The following CADPS2 variants were observed in gnomAD, a reference collection of about 807,000 sequenced individuals.
CADPS2 encodes calcium-dependent secretion activator 2.
A neutral mutation model predicts 172.5 loss-of-function variants in CADPS2; 93 were observed. That is an observed-to-expected ratio of 0.54 (90% CI 0.46 to 0.64). CADPS2 has a LOEUF of 0.64. Ranked by LOEUF, CADPS2 falls within the 30% of genes least tolerant of loss-of-function variation. The pLI is 0.00. For missense variants in CADPS2, 1,420 were observed against 1,565.9 expected, an observed-to-expected ratio of 0.91 and a Z score of 1.57; for synonymous variants, 546 against 555.2, an observed-to-expected ratio of 0.98 and a Z score of 0.23.
At chr7:122,735,025 A>C (rs2092045732) in intron 2 of CADPS2, among the ~76,000 whole-genome samples, 1 of 152,156 alleles carries the variant, frequency 6.6e-6, no homozygotes, top group Non-Finnish European at 1.5e-5. Context: ...CAATCCACCA[A>C]TTCTAAGAGA....
intron 25 of CADPS2, chr7:122,369,483 C>T (rs765336729): frequency 6.6e-6 from 1 of 152,248 alleles, no homozygotes; most frequent in South Asian, 2.1e-4. Context: ...GTTCCAGTTA[C>T]AGCACCTTGG....
intron 1 of CADPS2, among the ~76,000 whole-genome samples, chr7:122,825,686 T>C (rs1192720701): frequency 6.6e-6 from 1 of 152,212 alleles, no homozygotes; most frequent in Non-Finnish European, 1.5e-5. Context: ...TTTAACTTTT[T>C]TTAATTAAAA....
chr7:122,783,396 GA>G (rs1188608623), intron 1 of CADPS2, among the ~76,000 whole-genome samples: 1 of 151,970 alleles, frequency 6.6e-6, no homozygotes, highest in Non-Finnish European at 1.5e-5. Context: ...CCTTATGTTT[GA>G]GGGGCTGATC....
At chr7:122,324,554 G>A (rs2033411047) in intron 29 of CADPS2, among the ~76,000 whole-genome samples, 1 of 152,096 alleles carries the variant, frequency 6.6e-6, no homozygotes. Context: ...AAGTTCCCAG[G>A]TGATGATGAT....
In CADPS2 at chr7:122,345,610, C is replaced by G; in HGVS notation, c.3576G>C (p.Lys1192Asn). Residue 1192 changes from lysine (K) to asparagine (N), a missense_variant, in exon 28 of 30, where the codon AAG becomes AAC. Lys to Asn is a moderately conservative substitution (Grantham distance 94). Transcript: ENST00000449022. ...VRQNQDILRE[K>N]VNEEMYIEKL... is the part of the protein sequence containing the mutation. The stretch of plus-strand genomic sequence containing the variant: ...TTTCTATATACATTTCCTCATTGAC[C>G]TTTTCTCGAAGAATATCTTGGTTTT... The G allele has an allele frequency of 6.2e-7, 1 of 1,612,688 alleles. No individual in the cohort carries two copies. The highest frequency in any genetic ancestry group is 1.7e-5 in the Admixed American group (1 of 59,928).
chr7:122,732,504 T>C (rs2091746360), intron 2 of CADPS2, among the ~76,000 whole-genome samples: 1 of 150,318 alleles, frequency 6.7e-6, no homozygotes, highest in Admixed American at 6.7e-5. Context: ...TACAAAGATA[T>C]CTTTTCAATT....
At chr7:122,747,629 A>T (rs1167432344) in intron 1 of CADPS2, among the ~76,000 whole-genome samples, 2 of 152,136 alleles carry the variant, frequency 1.3e-5, no homozygotes. Flanking sequence ...TTCCAAATGA[A>T]GAAGCTAAAG....
intron 3 of CADPS2, among the ~76,000 whole-genome samples, chr7:122,642,565 T>A (rs534627357): frequency 1.5e-5 from 2 of 136,240 alleles, no homozygotes; most frequent in South Asian, 2.4e-4. Flanking sequence ...TTTTTTTTTT[T>A]ACAACTTATT....
At chr7:122,627,128 G>A (rs1327675901) in intron 4 of CADPS2, among the ~76,000 whole-genome samples, 1 of 152,192 alleles carries the variant, frequency 6.6e-6, no homozygotes, top group East Asian at 1.9e-4. Flanking sequence ...AGCAAGGCCA[G>A]GATTTGAGGC....
At chr7:122,405,678 C>A (rs2046561527) in intron 20 of CADPS2, among the ~76,000 whole-genome samples, 2 of 151,888 alleles carry the variant, frequency 1.3e-5, no homozygotes, top group Non-Finnish European at 2.9e-5. Context: ...AAACAAAAAA[C>A]CGGCTTAGGA....
At chr7:122,413,921 C>A in intron 19 of CADPS2, 147 bp downstream of exon 19, 1 of 639,500 alleles carries the variant, frequency 1.6e-6, no homozygotes, top group South Asian at 2.1e-5. Context: ...CAAAAATTAG[C>A]ACATTCAAAG....
chr7:122,571,757 T>C (rs1158799516), intron 7 of CADPS2, among the ~76,000 whole-genome samples: 3 of 152,186 alleles, frequency 2.0e-5, no homozygotes, highest in Admixed American at 6.5e-5. Flanking sequence ...GAAGAATTGC[T>C]ATCTGAAAGG....
chr7:122,410,104 G>A (rs1215211877), intron 19 of CADPS2, among the ~76,000 whole-genome samples: 8 of 152,104 alleles, frequency 5.3e-5, no homozygotes, highest in Admixed American at 5.2e-4. Context: ...AGCACTTTGG[G>A]AGGCAGAGGA....
At chr7:122,410,518 A>G (rs1489885524) in intron 19 of CADPS2, among the ~76,000 whole-genome samples, 1 of 151,278 alleles carries the variant, frequency 6.6e-6, no homozygotes, top group Non-Finnish European at 1.5e-5. Flanking sequence ...CTAGAAGCAG[A>G]GTACTGAGCT....
At chr7:122,508,846 G>T (rs1381006088) in intron 9 of CADPS2, among the ~76,000 whole-genome samples, 2 of 152,122 alleles carry the variant, frequency 1.3e-5, no homozygotes, top group African/African-American at 4.8e-5. Flanking sequence ...TTTTGCAAAG[G>T]ATAGTAGAAT....
At chr7:122,322,213 T>C (rs1326100323) in intron 29 of CADPS2, among the ~76,000 whole-genome samples, 1 of 152,236 alleles carries the variant, frequency 6.6e-6, no homozygotes, top group African/African-American at 2.4e-5. Flanking sequence ...CTAACAATTA[T>C]ATACTGAGTT....
intron 20 of CADPS2, among the ~76,000 whole-genome samples, chr7:122,398,738 T>TTC (rs375630670): frequency 0.038 from 4,966 of 131,270 alleles, 118 homozygotes; most frequent in East Asian, 0.084. Context: ...GAAAACACTC[T>TTC]TCTCTCTCTC....
At chr7:122,545,513 A>G (rs2063534694) in intron 8 of CADPS2, among the ~76,000 whole-genome samples, 1 of 152,176 alleles carries the variant, frequency 6.6e-6, no homozygotes, top group Non-Finnish European at 1.5e-5. Flanking sequence ...AAGGATTTGC[A>G]TCTAATCCCA....
At chr7:122,576,297 T>A (rs1434643906) in intron 7 of CADPS2, among the ~76,000 whole-genome samples, 1 of 152,150 alleles carries the variant, frequency 6.6e-6, no homozygotes, top group African/African-American at 2.4e-5. Flanking sequence ...CCACATGACA[T>A]CAGTGGTAGT....
Sources: allele counts gnomAD v4.1 joint callset (sites outside exome capture counted in the v4.1 genomes callset), GRCh38; gene constraint gnomAD v4.1.1; transcripts MANE v1.5; gene names NCBI Gene and HGNC (gene_info 2026-07-23, HGNC 2026-07-21).